Variants in CLASP2 observed in about 807,000 individuals in gnomAD.
The protein encoded by CLASP2 is CLIP-associating protein 2.
A neutral mutation model predicts 194.4 loss-of-function variants in CLASP2; 47 were observed. That is an observed-to-expected ratio of 0.24 (90% CI 0.19 to 0.31). The LOEUF is 0.31. CLASP2 is among the 10% of genes least tolerant of loss of function. CLASP2 has a pLI of 1.00. For synonymous variants in CLASP2, 619 were observed against 633.5 expected (o/e 0.98, Z 0.34); for missense variants, 1,445 against 1,823.6 (o/e 0.79, Z 3.78).
intron 7 of CLASP2, among the ~76,000 whole-genome samples, chr3:33,654,032 CAAAA>C (rs11456253): frequency 8.4e-6 from 1 of 118,664 alleles, no homozygotes; most frequent in Non-Finnish European, 1.8e-5. Context: ...TCTGAACTGT[CAAAA>C]AAAAAAAAAA....
chr3:33,673,137 T>C (rs918154813), intron 6 of CLASP2, among the ~76,000 whole-genome samples: 3 of 152,092 alleles, frequency 2.0e-5, no homozygotes, highest in Non-Finnish European at 2.9e-5. Context: ...AGACACATAA[T>C]TGTCAGATTC....
chr3:33,664,659 A>T (rs2085868620), intron 6 of CLASP2, among the ~76,000 whole-genome samples: 1 of 152,204 alleles, frequency 6.6e-6, no homozygotes. Flanking sequence ...AACTATTTAC[A>T]TATAGAAAGC....
chr3:33,665,019 T>C (rs1419837290), intron 6 of CLASP2, among the ~76,000 whole-genome samples: 1 of 151,738 alleles, frequency 6.6e-6, no homozygotes, highest in Non-Finnish European at 1.5e-5. Context: ...AAGAATCGCT[T>C]GAACCTGGGA....
Position 33,584,751 on chromosome 3 carries a change from C to T in CLASP2, c.2238G>A (p.Val746=). The change falls in exon 22 of 39, where the codon GTG becomes GTA. Residue 746 remains valine (V), a splice_region_variant and synonymous_variant. Transcript: ENST00000682230. ...ATAAAAAAAAAAAAAAAATCTTACC[C>T]ACTGAAAGCCTAGATGGACTAGCCT... ...SREASPSRLS[V]ARSSRIPRPS... 3.2e-6 allele frequency: 5 copies of T among 1,549,328 alleles called. No individual in the cohort carries two copies. The highest frequency in any genetic ancestry group is 4.3e-6 in the Non-Finnish European group (5 of 1,153,616).
At position 33,702,941 on chromosome 3, in the gene CLASP2, C is replaced by A. The variant is rs111544716; in HGVS notation, c.196-6008G>T. Among the ~76,000 whole-genome samples the A allele has an allele frequency of 5.6e-4, 86 of 152,232 alleles. 1 individual carries two copies. The highest frequency in any genetic ancestry group is 8.8e-4 in the Non-Finnish European group (60 of 68,012). ...TGCAAAACATTAATCTAGACAGAGA[C>A]CTTATGCCCTTCACCAAAAATTAAC... On this transcript the variant is annotated intron_variant, in intron 1 of 38. Coordinates refer to ENST00000682230, the MANE Select transcript of CLASP2 (RefSeq NM_001365631.1).
intron 38 of CLASP2, 135 bp downstream of exon 38, chr3:33,501,517 A>G: frequency 1.7e-6 from 1 of 579,866 alleles, no homozygotes; most frequent in Non-Finnish European, 3.1e-6. Flanking sequence ...CAAAACAGAA[A>G]TAATAAGGGC....
At chr3:33,640,975 C>A (rs1330702897) in intron 8 of CLASP2, among the ~76,000 whole-genome samples, 1 of 151,846 alleles carries the variant, frequency 6.6e-6, no homozygotes, top group East Asian at 1.9e-4. Flanking sequence ...CTAAAAGAAA[C>A]CTTATTTACC....
In CLASP2 at chr3:33,576,258, T is replaced by C; in HGVS notation, c.2365A>G (p.Ser789Gly). 6.2e-7 allele frequency: 1 copy of C among 1,613,638 alleles called. No homozygotes were observed. Among genetic ancestry groups the C allele is most frequent in the Non-Finnish European group, 8.5e-7 (1 of 1,179,590 alleles). ...FQPLGPGYGI[S>G]QSSRLSSSVS... ...GAAGACGACAGTCGACTTGATTGGCTGATCCCATAACCTGGACCTAATTCA... is the reference window on the plus strand; with the variant it reads ...GAAGACGACAGTCGACTTGATTGGCCGATCCCATAACCTGGACCTAATTCA... The change falls in exon 24 of 39, where the codon AGC (serine) becomes GGC (glycine). Residue 789 changes from serine to glycine, a missense_variant. Ser to Gly is a moderately conservative substitution (Grantham distance 56). Around this residue, in one of 4 missense-constraint regions of CLASP2, gnomAD observed 732 missense variants for 987.9 expected, o/e 0.74. Transcript: ENST00000682230.
chr3:33,561,076 A>T, intron 27 of CLASP2, 105 bp from the exon 28 acceptor site: 1 of 916,012 alleles, frequency 1.1e-6, no homozygotes, highest in Admixed American at 2.8e-5. Flanking sequence ...TCAGAGGCAC[A>T]GCGATTGGCA....
intron 8 of CLASP2, among the ~76,000 whole-genome samples, chr3:33,634,177 A>G (rs775004666): frequency 3.3e-5 from 5 of 152,256 alleles, no homozygotes; most frequent in Admixed American, 2.6e-4. Flanking sequence ...GGGAGAATAT[A>G]CTAATAATAT....
intron 35 of CLASP2, among the ~76,000 whole-genome samples, chr3:33,516,451 T>C (rs1161302781): frequency 6.6e-6 from 1 of 152,082 alleles, no homozygotes. Context: ...GTGGATCACT[T>C]GAGTTCAGGA....
At chr3:33,623,247 A>C (rs546278730) in intron 10 of CLASP2, among the ~76,000 whole-genome samples, 1 of 152,228 alleles carries the variant, frequency 6.6e-6, no homozygotes, top group Non-Finnish European at 1.5e-5. Context: ...CTCAAACATC[A>C]ATCAGTTCTT....
intron 13 of CLASP2, among the ~76,000 whole-genome samples, chr3:33,609,728 T>A (rs1364984810): frequency 6.6e-6 from 1 of 152,230 alleles, no homozygotes; most frequent in African/African-American, 2.4e-5. Context: ...TAGTCCTGTA[T>A]CTCCAGCATT....
rs1481809464 is a variant in CLASP2 at position 33,602,982 on chromosome 3, C to T, written c.1894G>A (p.Ala632Thr). Residue 632 changes from alanine (A) to threonine (T), a missense_variant, in exon 18 of 39, where the codon GCC becomes ACC. Coordinates refer to ENST00000682230, the MANE Select transcript of CLASP2 (RefSeq NM_001365631.1). ...GACGCATAGGAACCTGCATTCAGGG[C>T]ACCTGCACCTAAGCGCCCGCTTCGC... is the stretch of plus-strand genomic sequence containing the variant. ...SVRSGRLGAG[A>T]LNAGSYASLE... The T allele has an allele frequency of 7.5e-6, 12 of 1,610,680 alleles. No individual in the cohort carries two copies. The highest frequency in any genetic ancestry group is 1.0e-5 in the Non-Finnish European group (12 of 1,178,380).
At chr3:33,631,573 TGTAATCTCAGCTACTGAGGAG>T (rs1194310095) in intron 9 of CLASP2, among the ~76,000 whole-genome samples, 2 of 151,984 alleles carry the variant, frequency 1.3e-5, no homozygotes, top group Non-Finnish European at 2.9e-5. Flanking sequence ...GCAGGGCGCC[TGTAATCTCAGCTACTGAGGAG>T]GCTGAGGCAG....
chr3:33,597,942 G>C (rs533462977), intron 18 of CLASP2, among the ~76,000 whole-genome samples: 1 of 151,732 alleles, frequency 6.6e-6, no homozygotes. Flanking sequence ...TAGTAGAGAC[G>C]AGGTTTCACC....
At chr3:33,650,778 G>C (rs2083046853) in intron 7 of CLASP2, among the ~76,000 whole-genome samples, 1 of 152,038 alleles carries the variant, frequency 6.6e-6, no homozygotes, top group Admixed American at 6.6e-5. Flanking sequence ...TACAAGAAGG[G>C]AGAAGGGGAC....
chr3:33,568,553 C>CAAAAAAAAAAAAAAAAAAAAAAAAA lies in CLASP2; in HGVS notation c.2764-1820_2764-1819insTTTTTTTTTTTTTTTTTTTTTTTTT, dbSNP rs568821764. Among the ~76,000 whole-genome samples, 77 of 56,802 alleles carry CAAAAAAAAAAAAAAAAAAAAAAAAA rather than the reference C, an allele frequency of 1.4e-3. 3 individuals are homozygous for CAAAAAAAAAAAAAAAAAAAAAAAAA. The highest frequency in any genetic ancestry group is 3.3e-3 in the Admixed American group (12 of 3,670). 37.3% of individuals were successfully genotyped at this position (56,802 alleles called of 152,430 possible). On this transcript the variant is annotated intron_variant, in intron 26 of 38. Transcript: ENST00000682230. ...TGGGTGACAGAAAGAGATCTTGTCT[C>CAAAAAAAAAAAAAAAAAAAAAAAAA]AAAAAAAAAAAAAAAAAAAAAATTA...
intron 37 of CLASP2, among the ~76,000 whole-genome samples, chr3:33,509,822 G>A (rs562506172): frequency 6.6e-6 from 1 of 152,194 alleles, no homozygotes; most frequent in East Asian, 1.9e-4. Context: ...GGTTTATGTA[G>A]CTAAAGAGAA....
Sources: allele counts gnomAD v4.1 joint callset (sites outside exome capture counted in the v4.1 genomes callset), GRCh38; gene constraint gnomAD v4.1.1; regional missense constraint gnomAD v4.1.1; transcripts MANE v1.5; gene names NCBI Gene and HGNC (gene_info 2026-07-23, HGNC 2026-07-21).